The following SLC2A9 variants were observed in gnomAD, a reference collection of about 807,000 sequenced individuals.
The protein encoded by SLC2A9 is solute carrier family 2 member 9.
A neutral mutation model predicts 50.6 loss-of-function variants in SLC2A9; 39 were observed. That is an observed-to-expected ratio of 0.77 (90% confidence interval 0.60 to 1.01). SLC2A9 has a LOEUF of 1.01. SLC2A9 is among the 50% of genes least tolerant of loss of function. The pLI is 0.00. For synonymous variants in SLC2A9, 324 were observed against 276.9 expected, an observed-to-expected ratio of 1.17 and a Z score of -1.69; for missense variants, 686 against 677.6, an observed-to-expected ratio of 1.01 and a Z score of -0.14.
intron 6 of SLC2A9, among the ~76,000 whole-genome samples, chr4:9,921,532 A>T (rs1743959060): frequency 6.6e-6 from 1 of 152,214 alleles, no homozygotes; most frequent in African/African-American, 2.4e-5. Flanking sequence ...CATCCCTAAA[A>T]CATGGCTCCG....
intron 2 of SLC2A9, among the ~76,000 whole-genome samples, chr4:10,004,908 G>T (rs930677164): frequency 6.6e-6 from 1 of 152,202 alleles, no homozygotes; most frequent in African/African-American, 2.4e-5. Flanking sequence ...CACTGTGGTA[G>T]GTAACCTCTA....
chr4:10,031,151 C>T (rs1473403431), intron 1 of SLC2A9, among the ~76,000 whole-genome samples: 1 of 152,202 alleles, frequency 6.6e-6, no homozygotes, highest in African/African-American at 2.4e-5. Context: ...CAGATGAGCA[C>T]GTCACTCTGC....
In SLC2A9 at chr4:9,848,699, C is replaced by CTTTT. The variant is rs147201182; in HGVS notation, c.1292-13695_1292-13692dup. Among the ~76,000 whole-genome samples the CTTTT allele has an allele frequency of 3.8e-5, 5 of 130,886 alleles. No individual in the cohort carries two copies. In the East Asian group the frequency reaches 8.7e-4, roughly 23 times the overall value. The allele number at this position is 130,886 out of a possible 152,430, so 85.9% of individuals were successfully genotyped here. A position where few individuals can be genotyped will look rare whatever the true frequency, so the allele number is the denominator to read the frequency against. On this transcript the variant is annotated intron_variant, in intron 10 of 11. Coordinates refer to ENST00000264784, the MANE Select transcript of SLC2A9 (RefSeq NM_020041.3). ...GATCTTTTAAGGATGAGTGGAAATT[C>CTTTT]TTTTTTTTTTTTTTTTTGGAGACCG... is the stretch of plus-strand genomic sequence containing the variant.
intron 5 of SLC2A9, among the ~76,000 whole-genome samples, chr4:9,945,693 G>T (rs1293554691): frequency 6.6e-6 from 1 of 152,138 alleles, no homozygotes; most frequent in Non-Finnish European, 1.5e-5. Context: ...GGAGAGCTTG[G>T]TCTGAACTTC....
chr4:10,019,092 A>G lies in SLC2A9; in HGVS notation c.151-19T>C. On this transcript the variant is annotated intron_variant, in intron 1 of 11. Coordinates refer to ENST00000264784, the MANE Select transcript of SLC2A9 (RefSeq NM_020041.3). ...ACCAGTCCTGAGGGGAGAGGAAACC[A>G]CGTCAGAGCCGGCACCGGGCGCGCA... is the stretch of plus-strand genomic sequence containing the variant. 6.5e-7 allele frequency: 1 copy of G among 1,548,684 alleles called. No individual in the cohort carries two copies.
chr4:9,929,743 T>C (rs1414710146), intron 6 of SLC2A9, among the ~76,000 whole-genome samples: 1 of 152,000 alleles, frequency 6.6e-6, no homozygotes, highest in Non-Finnish European at 1.5e-5. Context: ...AGTATCATTT[T>C]CCCAATGTCC....
intron 10 of SLC2A9, among the ~76,000 whole-genome samples, chr4:9,886,078 GT>G (rs1736150960): frequency 1.3e-5 from 2 of 151,884 alleles, no homozygotes; most frequent in African/African-American, 4.8e-5. Context: ...GTGTGTGCTG[GT>G]TTTAGAATAA....
chr4:9,881,814 C>A (rs55943327), intron 10 of SLC2A9, among the ~76,000 whole-genome samples: 30,756 of 152,120 alleles, frequency 0.2, 4,333 homozygotes, highest in African/African-American at 0.38. Context: ...TGAACTAGAA[C>A]ATCTTTACGG....
intron 10 of SLC2A9, among the ~76,000 whole-genome samples, chr4:9,850,626 CTG>C (rs1337593382): frequency 6.6e-6 from 1 of 152,134 alleles, no homozygotes; most frequent in Non-Finnish European, 1.5e-5. Context: ...CTCTAGCAGA[CTG>C]GCTCCCACTG....
chr4:9,905,831 G>A (rs1319241618), intron 8 of SLC2A9, among the ~76,000 whole-genome samples: 8 of 152,132 alleles, frequency 5.3e-5, no homozygotes, highest in African/African-American at 1.9e-4. Flanking sequence ...ACTTTGGGGT[G>A]TCGGTGGCAG....
chr4:9,897,956 C>A (rs1424567336), intron 8 of SLC2A9, among the ~76,000 whole-genome samples: 2 of 152,084 alleles, frequency 1.3e-5, no homozygotes, highest in South Asian at 2.1e-4. Context: ...GAAGATGAGG[C>A]AGGGGTTGGG....
At chr4:9,865,872 G>T (rs546286908) in intron 10 of SLC2A9, among the ~76,000 whole-genome samples, 1 of 152,348 alleles carries the variant, frequency 6.6e-6, no homozygotes, top group Middle Eastern at 3.4e-3. Context: ...AGGAACACTG[G>T]TTTGCAGGAA....
At chr4:9,883,232 C>T (rs1735556017) in intron 10 of SLC2A9, among the ~76,000 whole-genome samples, 1 of 152,024 alleles carries the variant, frequency 6.6e-6, no homozygotes, top group Admixed American at 6.6e-5. Context: ...GCACTTAGAA[C>T]AGGGCCTGGA....
At chr4:10,026,862 G>A (rs1429384814) in intron 1 of SLC2A9, among the ~76,000 whole-genome samples, 2 of 152,082 alleles carry the variant, frequency 1.3e-5, no homozygotes, top group Non-Finnish European at 2.9e-5. Context: ...TGGCCAACAT[G>A]GTGAAACCCT....
At chr4:9,842,026 T>G (rs570108022) in intron 10 of SLC2A9, among the ~76,000 whole-genome samples, 6 of 152,232 alleles carry the variant, frequency 3.9e-5, no homozygotes, top group Non-Finnish European at 5.9e-5. Context: ...AGAATTATCC[T>G]TTATTGGCTG....
intron 5 of SLC2A9, among the ~76,000 whole-genome samples, chr4:9,949,149 C>G (rs974128486): frequency 6.6e-6 from 1 of 152,200 alleles, no homozygotes; most frequent in Non-Finnish European, 1.5e-5. Flanking sequence ...ACTTGTTATT[C>G]TGCATAGCAA....
chr4:9,780,559 A>T (rs1387394542), intron 3 of SLC2A9, among the ~76,000 whole-genome samples: 5 of 152,094 alleles, frequency 3.3e-5, no homozygotes, highest in Admixed American at 1.3e-4. Flanking sequence ...CTAGGAAGGG[A>T]GGAGAAAGTC....
At chr4:9,966,058 C>G (rs7434391) in intron 5 of SLC2A9, among the ~76,000 whole-genome samples, 72,990 of 151,474 alleles carry the variant, frequency 0.48, 18,873 homozygotes, top group African/African-American at 0.67. Context: ...AACAAATATA[C>G]TTATAAGAAA....
At chr4:9,909,098 T>C (rs1741229366) in intron 7 of SLC2A9, among the ~76,000 whole-genome samples, 1 of 152,146 alleles carries the variant, frequency 6.6e-6, no homozygotes, top group Non-Finnish European at 1.5e-5. Flanking sequence ...AAATCCACAA[T>C]GCATACAAGG....
Sources: allele counts gnomAD v4.1 joint callset (sites outside exome capture counted in the v4.1 genomes callset), GRCh38; gene constraint gnomAD v4.1.1; transcripts MANE v1.5; gene names NCBI Gene and HGNC (gene_info 2026-07-23, HGNC 2026-07-21).